The following PPP2R2C variants were observed in gnomAD, a reference collection of about 807,000 sequenced individuals.
PPP2R2C encodes protein phosphatase 2, regulatory subunit B, gamma.
A neutral mutation model predicts 45.3 loss-of-function variants in PPP2R2C; 10 were observed. That is an observed-to-expected ratio of 0.22 (90% CI 0.14 to 0.37). PPP2R2C has a LOEUF of 0.37. Among genes scored for constraint, PPP2R2C ranks in the 10% least tolerant of loss-of-function variants. The pLI is 1.00. For missense variants in PPP2R2C, 308 were observed against 619.7 expected, an observed-to-expected ratio of 0.50 and a Z score of 5.34; for synonymous variants, 257 against 245.4, an observed-to-expected ratio of 1.05 and a Z score of -0.44.
At chr4:6,344,362 C>T (rs745454903) in intron 6 of PPP2R2C, among the ~76,000 whole-genome samples, 32 of 152,208 alleles carry the variant, frequency 2.1e-4, no homozygotes, top group Non-Finnish European at 3.2e-4. Flanking sequence ...GCTCATACAT[C>T]ATCAGGCATA....
intron 5 of PPP2R2C, chr4:6,351,389 A>G: frequency 1.0e-6 from 1 of 983,696 alleles, no homozygotes; most frequent in Non-Finnish European, 1.2e-6. Flanking sequence ...CCTGTGGCAA[A>G]CACACCCGAG....
chr4:6,487,814 C>T (rs1722574798), intron 2 of PPP2R2C, among the ~76,000 whole-genome samples: 2 of 151,840 alleles, frequency 1.3e-5, no homozygotes, highest in Non-Finnish European at 2.9e-5. Context: ...GTCCCTTCCT[C>T]TCCTCTCTTT....
chr4:6,557,644 G>A (rs1214674560), intron 1 of PPP2R2C, among the ~76,000 whole-genome samples: 1 of 152,176 alleles, frequency 6.6e-6, no homozygotes, highest in Non-Finnish European at 1.5e-5. Flanking sequence ...GCTGTGTAGT[G>A]AGCGCTGTGG....
At chr4:6,396,663 T>C (rs1346968105) in intron 1 of PPP2R2C, among the ~76,000 whole-genome samples, 1 of 152,240 alleles carries the variant, frequency 6.6e-6, no homozygotes, top group Non-Finnish European at 1.5e-5. Context: ...GTGTTGATGA[T>C]GCCTTAAGGT....
At chr4:6,442,550 T>C (rs1352688586) in intron 1 of PPP2R2C, among the ~76,000 whole-genome samples, 1 of 152,160 alleles carries the variant, frequency 6.6e-6, no homozygotes, top group African/African-American at 2.4e-5. Flanking sequence ...CCCCAAGGGC[T>C]GGGAGAGGCG....
At chr4:6,397,183 C>T (rs557223027) in intron 1 of PPP2R2C, among the ~76,000 whole-genome samples, 2 of 152,314 alleles carry the variant, frequency 1.3e-5, no homozygotes, top group East Asian at 1.9e-4. Flanking sequence ...CCAAAGCCCA[C>T]GTCCCAGTCG....
intron 6 of PPP2R2C, among the ~76,000 whole-genome samples, chr4:6,339,021 T>C (rs1265572309): frequency 2.6e-5 from 4 of 152,252 alleles, no homozygotes; most frequent in African/African-American, 9.6e-5. Flanking sequence ...CCTGGAGTTA[T>C]TTTTCACATC....
At chr4:6,421,889 C>G (rs548213555) in intron 1 of PPP2R2C, among the ~76,000 whole-genome samples, 1 of 152,220 alleles carries the variant, frequency 6.6e-6, no homozygotes, top group Non-Finnish European at 1.5e-5. Flanking sequence ...GGGTTGTCAT[C>G]TTACTCTGCC....
At chr4:6,512,426 GGGTGGTGGTGATGGTGGC>G (rs1723654063) in intron 2 of PPP2R2C, among the ~76,000 whole-genome samples, 1 of 12,932 alleles carries the variant, frequency 7.7e-5, no homozygotes, top group Non-Finnish European at 1.7e-4. Flanking sequence ...GTGATGGTGG[GGGTGGTGGTGATGGTGGC>G]GGTGGTGGTG....
Position 6,337,867 on chromosome 4 carries a change from T to C in PPP2R2C, c.791-4136A>G, listed in dbSNP as rs368854909. On this transcript the variant is annotated intron_variant, in intron 6 of 8. Coordinates refer to ENST00000382599, the MANE Select transcript of PPP2R2C (RefSeq NM_020416.4). ...ACACAAGGAACAGGAATGCAAACGA[T>C]AGATCGGAAGGGATATTAATAAGCC... Among the ~76,000 whole-genome samples the C allele has an allele frequency of 8.5e-5, 13 of 152,316 alleles. No homozygotes were observed. The East Asian group carries it at 1.7e-3, about 20-fold the overall frequency.
intron 1 of PPP2R2C, among the ~76,000 whole-genome samples, chr4:6,431,097 G>A (rs1287104708): frequency 6.6e-6 from 1 of 152,200 alleles, no homozygotes; most frequent in Non-Finnish European, 1.5e-5. Flanking sequence ...AGATGGTTCT[G>A]CCTGCAAGCC....
chr4:6,377,653 T>C (rs1214911850), intron 3 of PPP2R2C, among the ~76,000 whole-genome samples: 1 of 151,816 alleles, frequency 6.6e-6, no homozygotes, highest in African/African-American at 2.4e-5. Context: ...AGCAAGACTC[T>C]TGTCTCTCAA....
chr4:6,380,735 C>T (rs1304965042), intron 2 of PPP2R2C, among the ~76,000 whole-genome samples: 3 of 152,158 alleles, frequency 2.0e-5, no homozygotes, highest in East Asian at 1.9e-4. Context: ...CCCCTACCAC[C>T]GCCCGCCACT....
At chr4:6,516,019 G>A (rs999421334) in intron 2 of PPP2R2C, among the ~76,000 whole-genome samples, 1 of 152,196 alleles carries the variant, frequency 6.6e-6, no homozygotes, top group Admixed American at 6.5e-5. Flanking sequence ...GTCATGTTGG[G>A]TTAAGGACCC....
intron 1 of PPP2R2C, among the ~76,000 whole-genome samples, chr4:6,453,313 G>A (rs1720839446): frequency 6.6e-6 from 1 of 152,190 alleles, no homozygotes; most frequent in South Asian, 2.1e-4. Context: ...AAGATGTAAA[G>A]GCAGCAGGGA....
intron 5 of PPP2R2C, among the ~76,000 whole-genome samples, chr4:6,352,060 C>T (rs1712612624): frequency 6.6e-6 from 1 of 152,180 alleles, no homozygotes; most frequent in African/African-American, 2.4e-5. Context: ...AGAATTATGC[C>T]CAAACTCAGC....
At chr4:6,399,764 G>A (rs1717290856) in intron 1 of PPP2R2C, among the ~76,000 whole-genome samples, 1 of 152,226 alleles carries the variant, frequency 6.6e-6, no homozygotes, top group South Asian at 2.1e-4. Context: ...TGTGGCATTA[G>A]GGGTTCAGGT....
intron 1 of PPP2R2C, among the ~76,000 whole-genome samples, chr4:6,403,390 T>C (rs115687466): frequency 0.014 from 2,082 of 152,188 alleles, 51 homozygotes; most frequent in African/African-American, 0.046. Context: ...GGTGTTTTTA[T>C]TTGATTAGAA....
intron 2 of PPP2R2C, among the ~76,000 whole-genome samples, chr4:6,480,773 A>C (rs552755616): frequency 3.3e-5 from 5 of 152,250 alleles, no homozygotes; most frequent in Non-Finnish European, 7.3e-5. Flanking sequence ...TCATTGCCAA[A>C]TAGAGAAGCA....
Sources: allele counts gnomAD v4.1 joint callset (sites outside exome capture counted in the v4.1 genomes callset), GRCh38; gene constraint gnomAD v4.1.1; transcripts MANE v1.5; gene names NCBI Gene and HGNC (gene_info 2026-07-23, HGNC 2026-07-21).